The following PBX3 variants were observed in gnomAD, a reference collection of about 807,000 sequenced individuals.
The protein encoded by PBX3 is PBX homeobox 3.
PBX3 carries 14 observed loss-of-function variants against 48.5 expected under a neutral mutation model. The observed-to-expected ratio is 0.29, with a 90% CI of 0.19 to 0.45. The LOEUF (loss-of-function observed/expected upper bound fraction) is 0.45. Ranked by LOEUF, PBX3 falls within the 20% of genes least tolerant of loss-of-function variation. PBX3 has a pLI of 1.00. For synonymous variants in PBX3, 210 were observed against 200.3 expected, an observed-to-expected ratio of 1.05 and a Z score of -0.41; for missense variants, 386 against 546.7, an observed-to-expected ratio of 0.71 and a Z score of 2.93.
At chr9:125,870,700 A>G (rs926526896) in intron 2 of PBX3, among the ~76,000 whole-genome samples, 2 of 152,232 alleles carry the variant, frequency 1.3e-5, no homozygotes, top group Non-Finnish European at 2.9e-5. Context: ...TTAAAGAACA[A>G]GATAACTTAA....
intron 2 of PBX3, among the ~76,000 whole-genome samples, chr9:125,781,032 C>G (rs1426976756): frequency 1.6e-5 from 2 of 123,466 alleles, no homozygotes; most frequent in Non-Finnish European, 3.3e-5. Context: ...CCTCACTTTC[C>G]AGACTGGGCA....
At chr9:125,913,004 A>G (rs1342854463) in intron 2 of PBX3, among the ~76,000 whole-genome samples, 2 of 152,180 alleles carry the variant, frequency 1.3e-5, no homozygotes, top group Non-Finnish European at 2.9e-5. Flanking sequence ...AAGAAAATAA[A>G]TAGAAATATT....
chr9:125,903,068 C>T (rs1186874436), intron 2 of PBX3, among the ~76,000 whole-genome samples: 2 of 151,748 alleles, frequency 1.3e-5, no homozygotes, highest in African/African-American at 4.8e-5. Context: ...GCTTTGTTTA[C>T]GCTCTGGCAT....
At chr9:125,797,474 T>C (rs1164739333) in intron 2 of PBX3, 1 of 152,152 alleles carries the variant, frequency 6.6e-6, no homozygotes, top group East Asian at 1.9e-4. Flanking sequence ...AGGTGAGTTA[T>C]TTAATTCTCA....
intron 2 of PBX3, among the ~76,000 whole-genome samples, chr9:125,868,205 G>A (rs1009323380): frequency 6.6e-6 from 1 of 151,558 alleles, no homozygotes; most frequent in African/African-American, 2.4e-5. Flanking sequence ...TGCTTCCTGT[G>A]TTCTAGGCAC....
chr9:125,958,828 T>C (rs1320597824), intron 5 of PBX3, among the ~76,000 whole-genome samples: 1 of 152,194 alleles, frequency 6.6e-6, no homozygotes, highest in Non-Finnish European at 1.5e-5. Context: ...AAGGTTGCTC[T>C]AGGTGCAAGA....
intron 2 of PBX3, among the ~76,000 whole-genome samples, chr9:125,765,927 CTTA>C (rs1264233851): frequency 2.0e-5 from 3 of 151,960 alleles, no homozygotes; most frequent in Non-Finnish European, 2.9e-5. Flanking sequence ...AGGGCTTGTT[CTTA>C]TTATAATTTA....
At chr9:125,941,896 G>A (rs978276410) in intron 5 of PBX3, among the ~76,000 whole-genome samples, 5 of 152,136 alleles carry the variant, frequency 3.3e-5, no homozygotes, top group Non-Finnish European at 7.3e-5. Context: ...TTGAGTAACT[G>A]GCTGTATTTT....
At chr9:125,814,766 G>A (rs547603099) in intron 2 of PBX3, among the ~76,000 whole-genome samples, 4 of 152,228 alleles carry the variant, frequency 2.6e-5, no homozygotes, top group African/African-American at 7.2e-5. Context: ...TTTGGCATTC[G>A]TTTTTAATTT....
rs560126536 is a variant in PBX3 at position 125,771,695 on chromosome 9, G to C, written c.274+23072G>C. ...GAAATAATTTGTCTGAAAATATCTAGTATAATGCCTGGTTGATAGTAGGTA... is the reference window on the plus strand; with the variant it reads ...GAAATAATTTGTCTGAAAATATCTACTATAATGCCTGGTTGATAGTAGGTA... On this transcript the variant is annotated intron_variant, in intron 2 of 8. Coordinates refer to ENST00000373489, the MANE Select transcript of PBX3 (RefSeq NM_006195.6). Among the ~76,000 whole-genome samples the C allele has an allele frequency of 2.6e-5, 4 of 152,134 alleles. No individual in the cohort carries two copies. The South Asian group carries it at 8.3e-4, about 32-fold the overall frequency.
At chr9:125,877,382 T>C (rs1180050353) in intron 2 of PBX3, among the ~76,000 whole-genome samples, 3 of 152,216 alleles carry the variant, frequency 2.0e-5, no homozygotes, top group Non-Finnish European at 2.9e-5. Context: ...CAGCTAGATA[T>C]GGCTTTCTAG....
At chr9:125,811,025 C>T (rs1025418098) in intron 2 of PBX3, among the ~76,000 whole-genome samples, 3 of 152,186 alleles carry the variant, frequency 2.0e-5, no homozygotes, top group Admixed American at 2.0e-4. Context: ...ATAAACTTCT[C>T]TTCTGCTAAA....
chr9:125,859,041 C>CT (rs1386441571), intron 2 of PBX3, among the ~76,000 whole-genome samples: 7 of 152,172 alleles, frequency 4.6e-5, no homozygotes, highest in African/African-American at 1.4e-4. Flanking sequence ...ATAGACAAGT[C>CT]TAAGGCCTGT....
In PBX3 at chr9:125,747,401, G is replaced by C; in HGVS notation, c.-53G>C. ...CTCCCTCGTCGCCGCCGCCGCCGCCGCCGCCTCAGCCTTCGCCTCAGCCGC... is the reference window on the plus strand; with the variant it reads ...CTCCCTCGTCGCCGCCGCCGCCGCCCCCGCCTCAGCCTTCGCCTCAGCCGC... On this transcript the variant is annotated 5_prime_UTR_variant, in exon 1 of 9. Transcript: ENST00000373489. 1 of 854,672 alleles carries C rather than the reference G, an allele frequency of 1.2e-6. No individual in the cohort carries two copies. The allele number at this position is 854,672 out of a possible 1,614,324, so 52.9% of individuals were successfully genotyped here.
intron 5 of PBX3, among the ~76,000 whole-genome samples, chr9:125,954,047 T>C (rs1283831891): frequency 6.6e-6 from 1 of 152,200 alleles, no homozygotes; most frequent in African/African-American, 2.4e-5. Flanking sequence ...TGGTTTTCTT[T>C]TCCCTTCCTG....
intron 2 of PBX3, among the ~76,000 whole-genome samples, chr9:125,809,466 G>T (rs1838224704): frequency 1.3e-5 from 2 of 150,106 alleles, no homozygotes; most frequent in Non-Finnish European, 3.0e-5. Flanking sequence ...TAAGGCTCCA[G>T]GTATTACCTT....
chr9:125,939,624 A>C (rs10987052), intron 5 of PBX3, among the ~76,000 whole-genome samples: 1 of 152,114 alleles, frequency 6.6e-6, no homozygotes, highest in East Asian at 1.9e-4. Context: ...ACTGGTAAGA[A>C]CATTCATAGT....
chr9:125,823,690 G>A (rs992755167), intron 2 of PBX3, among the ~76,000 whole-genome samples: 1 of 152,108 alleles, frequency 6.6e-6, no homozygotes, highest in Non-Finnish European at 1.5e-5. Context: ...TTTTTATCTT[G>A]GGGTTTAGAA....
chr9:125,929,766 T>G lies in PBX3; in HGVS notation c.628T>G (p.Phe210Val). 1 of 1,613,904 alleles carries G rather than the reference T, an allele frequency of 6.2e-7. No homozygotes were observed. Among genetic ancestry groups the G allele is most frequent in the Non-Finnish European group, 8.5e-7 (1 of 1,179,894 alleles). ...AATGGTGGGCATCATCCATCGAAAA[T>G]TTAGTTCCATTCAGATGCAGCTCAA... ...ERMVGIIHRK[F>V]SSIQMQLKQS... The change falls in exon 4 of 9, where the codon TTT (phenylalanine) becomes GTT (valine). Residue 210 changes from phenylalanine (F) to valine (V), a missense_variant. Phe to Val is a conservative substitution (Grantham distance 50). Around this residue, in one of 4 missense-constraint regions of PBX3, gnomAD observed 74 missense variants for 206.1 expected, o/e 0.36. Coordinates refer to ENST00000373489, the MANE Select transcript of PBX3 (RefSeq NM_006195.6).
Sources: gnomAD v4.1 joint callset for allele counts (sites outside exome capture counted in the v4.1 genomes callset) on GRCh38, gnomAD v4.1.1 for gene constraint, gnomAD v4.1.1 regional missense constraint, MANE v1.5 for transcripts, NCBI Gene and HGNC (gene_info 2026-07-23, HGNC 2026-07-21) for gene names.